Variants in NPAT observed in about 807,000 individuals in gnomAD.
NPAT encodes the protein nuclear protein, coactivator of histone transcription, also known as protein NPAT.
Under a neutral mutation model 130.7 loss-of-function variants are expected in NPAT, and 52 were observed. The observed-to-expected ratio is 0.40, with a 90% CI of 0.32 to 0.50. The LOEUF is 0.50. Ranked by LOEUF, NPAT falls within the 20% of genes least tolerant of loss-of-function variation. The pLI, the probability that NPAT is intolerant of heterozygous loss-of-function variation, is 0.68. For missense variants in NPAT, 1,687 were observed against 1,662.6 expected, an observed-to-expected ratio of 1.01 and a Z score of -0.26; for synonymous variants, 580 against 584.8, an observed-to-expected ratio of 0.99 and a Z score of 0.12.
In NPAT at chr11:108,173,211, C is replaced by T. The variant is rs774084314; in HGVS notation, c.1773G>A (p.Gln591=). ...AAGAATTATCTTGGCAATTTGATAGCTGTGACATAACTGGTTCTAACACAT... is the reference window on the plus strand; with the variant it reads ...AAGAATTATCTTGGCAATTTGATAGTTGTGACATAACTGGTTCTAACACAT... ...EINVLEPVMS[Q]LSNCQDNSCL... is the part of the protein sequence containing the mutation. Residue 591 remains glutamine, a synonymous_variant, in exon 13 of 18, where the codon CAG becomes CAA. Coordinates refer to ENST00000278612, the MANE Select transcript of NPAT (RefSeq NM_002519.3). 16 of 1,613,440 alleles carry T rather than the reference C, an allele frequency of 9.9e-6. No individual in the cohort carries two copies. Among genetic ancestry groups the T allele is most frequent in the Non-Finnish European group, 5.1e-6 (6 of 1,179,810 alleles).
At chr11:108,220,111 A>G (rs2078469675) in intron 1 of NPAT, among the ~76,000 whole-genome samples, 1 of 152,256 alleles carries the variant, frequency 6.6e-6, no homozygotes, top group Admixed American at 6.5e-5. Context: ...AGTTCCACAG[A>G]GCACCTTGAA....
chr11:108,158,795 G>A lies in NPAT; in HGVS notation c.*147C>T. 1 of 600,626 alleles carries A rather than the reference G, an allele frequency of 1.7e-6. No homozygotes were observed. The highest frequency in any genetic ancestry group is 3.0e-6 in the Non-Finnish European group (1 of 335,050). 37.2% of individuals were successfully genotyped at this position (600,626 alleles called of 1,614,324 possible). ...ATTTACAAACTAGGAAGCTGTTTCAGAAACAGCATGATTTAGATATAAAGT... is the reference window on the plus strand; with the variant it reads ...ATTTACAAACTAGGAAGCTGTTTCAAAAACAGCATGATTTAGATATAAAGT... On this transcript the variant is annotated 3_prime_UTR_variant, in exon 18 of 18. Transcript: ENST00000278612.
rs774093155 is a variant in NPAT, at chr11:108,158,915, C to G, written c.*27G>C. The G allele has an allele frequency of 2.2e-6, 3 of 1,387,580 alleles. No homozygotes were observed. The highest frequency in any genetic ancestry group is 2.3e-5 in the South Asian group (2 of 86,438). 86.0% of individuals were successfully genotyped at this position (1,387,580 alleles called of 1,614,324 possible). A position where few individuals can be genotyped will look rare whatever the true frequency, so the allele number is the denominator to read the frequency against. ...GTTTAAGGGATATGAGTTTTTAACA[C>G]CTACTGTTCTTATGTGTCCAGAATG... On this transcript the variant is annotated 3_prime_UTR_variant, in exon 18 of 18. Transcript: ENST00000278612.
intron 6 of NPAT, 149 bp from the exon 7 acceptor site, chr11:108,188,328 G>T: frequency 1.5e-6 from 1 of 676,312 alleles, no homozygotes; most frequent in East Asian, 2.7e-5. Flanking sequence ...CATGGTAAAA[G>T]ACACTAAGAT....
At chr11:108,196,166 G>A (rs541168558) in intron 2 of NPAT, among the ~76,000 whole-genome samples, 4 of 152,246 alleles carry the variant, frequency 2.6e-5, no homozygotes, top group African/African-American at 9.6e-5. Context: ...ATTTGTAGAG[G>A]TTCTTTTTCT....
chr11:108,221,426 TAACAAAACATTAA>T (rs1218479649), intron 1 of NPAT, among the ~76,000 whole-genome samples: 1 of 152,190 alleles, frequency 6.6e-6, no homozygotes, highest in Non-Finnish European at 1.5e-5. Context: ...AATCAGACAT[TAACAAAACATTAA>T]ACTTGTCATT....
chr11:108,174,254 G>A (rs957359815), intron 12 of NPAT, among the ~76,000 whole-genome samples: 1 of 152,146 alleles, frequency 6.6e-6, no homozygotes, highest in Non-Finnish European at 1.5e-5. Context: ...GGGATCACAG[G>A]CATGAGCCAC....
In NPAT at chr11:108,173,620, T is replaced by C. The variant is rs573595332; in HGVS notation, c.1364A>G (p.Gln455Arg). The C allele has an allele frequency of 3.8e-5, 62 of 1,614,180 alleles. No homozygotes were observed. The South Asian group carries it at 6.8e-4, about 18-fold the overall frequency. The stretch of plus-strand genomic sequence containing the variant: ...ACATTCAGCATTAGAATTCCCTCTT[T>C]GGTTAAAGTCATTCAAATTAGGCAC... Reference protein sequence around the residue: ...ESVPNLNDFNQRGNSNAECNP... With the variant: ...ESVPNLNDFNRRGNSNAECNP... The change falls in exon 13 of 18, where the codon CAA becomes CGA. Residue 455 changes from glutamine to arginine, a missense_variant. By Grantham distance (43) the Gln-to-Arg change is conservative (BLOSUM62 1). Transcript: ENST00000278612.
At chr11:108,205,985 C>T (rs527678870) in intron 1 of NPAT, among the ~76,000 whole-genome samples, 1 of 152,118 alleles carries the variant, frequency 6.6e-6, no homozygotes, top group Admixed American at 6.5e-5. Flanking sequence ...GCAGAGGCTG[C>T]AGTGAGGCGA....
intron 5 of NPAT, 118 bp downstream of exon 5, chr11:108,190,331 AAAAAAAGAAAG>A (rs2078156545): frequency 4.8e-6 from 3 of 625,600 alleles, no homozygotes; most frequent in African/African-American, 3.8e-5. Flanking sequence ...AAAAAAAAAA[AAAAAAAGAAAG>A]AAAAACAGTA....
intron 1 of NPAT, among the ~76,000 whole-genome samples, chr11:108,205,341 G>T: frequency 6.6e-6 from 1 of 152,238 alleles, no homozygotes; most frequent in East Asian, 1.9e-4. Flanking sequence ...GCTCACTGTA[G>T]CTTTGAATGC....
chr11:108,170,131 C>A, intron 13 of NPAT, 88 bp from the exon 14 acceptor site: 10 of 674,932 alleles, frequency 1.5e-5, no homozygotes, highest in Non-Finnish European at 2.3e-5. Context: ...TTAATTACTG[C>A]TTTGAAATAA....
At chr11:108,204,224 C>T (rs1261709952) in intron 1 of NPAT, among the ~76,000 whole-genome samples, 1 of 152,134 alleles carries the variant, frequency 6.6e-6, no homozygotes, top group Non-Finnish European at 1.5e-5. Flanking sequence ...TCAAAGGTGG[C>T]CTGAAGCCTG....
Position 108,161,737 on chromosome 11 carries a change from T to C in NPAT, c.3349A>G (p.Arg1117Gly). 3 of 1,613,844 alleles carry C rather than the reference T, an allele frequency of 1.9e-6. No homozygotes were observed. The highest frequency in any genetic ancestry group is 1.7e-6 in the Non-Finnish European group (2 of 1,180,046). Residue 1117 changes from arginine to glycine, a missense_variant, in exon 17 of 18, where the codon AGA becomes GGA. By Grantham distance (125) the Arg-to-Gly change is moderately radical. This residue lies in a region of NPAT where 1,379 missense variants were observed against 1,346.6 expected (regional missense o/e 1.02). Transcript: ENST00000278612. ...GGCAGAGGAGGCTTCTCTTTCTCTC[T>C]TTTGATAGCATTATTAGAAGGGGGT... ...LKPPSNNAIKREKEKPPLPKI... is the reference protein window; with the variant it reads ...LKPPSNNAIKGEKEKPPLPKI...
At chr11:108,178,910 T>C (rs1369371829) in intron 10 of NPAT, among the ~76,000 whole-genome samples, 2 of 151,972 alleles carry the variant, frequency 1.3e-5, no homozygotes, top group Admixed American at 1.3e-4. Context: ...AAAAGCAAAA[T>C]AGCCAAAACA....
chr11:108,221,573 A>AGAC (rs2078496921), intron 1 of NPAT, among the ~76,000 whole-genome samples: 1 of 152,266 alleles, frequency 6.6e-6, no homozygotes, highest in Admixed American at 6.5e-5. Flanking sequence ...AAGAGGCACA[A>AGAC]GACAAATGGG....
chr11:108,182,771 T>C (rs1251581808), intron 10 of NPAT, among the ~76,000 whole-genome samples: 2 of 152,260 alleles, frequency 1.3e-5, no homozygotes, highest in East Asian at 3.8e-4. Flanking sequence ...ATTACAGGCG[T>C]GAGCCACCAC....
In NPAT at chr11:108,161,853, C is replaced by A. The variant is rs890729349; in HGVS notation, c.3233G>T (p.Gly1078Val). Reference protein sequence around the residue: ...STTAPVANTQGPNHKMVSQNK... With the variant: ...STTAPVANTQVPNHKMVSQNK... ...TTGGGACACCATCTTATGGTTTGGC[C>A]CCTGCGTATTTGCCACAGGAGCAGT... Residue 1078 changes from glycine (G) to valine (V), a missense_variant, in exon 17 of 18, where the codon GGG (glycine) becomes GTG (valine). Coordinates refer to ENST00000278612, the MANE Select transcript of NPAT (RefSeq NM_002519.3). The A allele has an allele frequency of 6.2e-7, 1 of 1,614,026 alleles. No homozygotes were observed. Among genetic ancestry groups the A allele is most frequent in the Non-Finnish European group, 8.5e-7 (1 of 1,180,024 alleles).
intron 8 of NPAT, 68 bp from the exon 9 acceptor site, chr11:108,185,562 AAAG>A (rs1359910369): frequency 9.3e-7 from 1 of 1,078,520 alleles, no homozygotes; most frequent in Non-Finnish European, 1.4e-6. Context: ...ATTTATAAGA[AAAG>A]AACAAACCGA....
Sources: allele counts gnomAD v4.1 joint callset (sites outside exome capture counted in the v4.1 genomes callset), GRCh38; gene constraint gnomAD v4.1.1; regional missense constraint gnomAD v4.1.1; transcripts MANE v1.5; gene names NCBI Gene and HGNC (gene_info 2026-07-23, HGNC 2026-07-21).